Variants in EFCAB11 observed in about 807,000 individuals in gnomAD.
EFCAB11 encodes EF-hand calcium-binding domain-containing protein 11.
In EFCAB11, 14 loss-of-function variants were observed where a neutral mutation model predicts 23.0. The observed-to-expected ratio is 0.61, with a 90% CI of 0.40 to 0.95. The LOEUF (loss-of-function observed/expected upper bound fraction) is 0.95, where lower values mean the gene tolerates loss of function less well. EFCAB11 is among the 40% of genes least tolerant of loss of function. EFCAB11 has a pLI of 0.00. For synonymous variants in EFCAB11, 65 were observed against 66.6 expected (o/e 0.98, Z 0.11); for missense variants, 198 against 195.8 (o/e 1.01, Z -0.07).
chr14:89,883,066 A>T (rs1888651850), intron 5 of EFCAB11, among the ~76,000 whole-genome samples: 1 of 152,062 alleles, frequency 6.6e-6, no homozygotes, highest in Non-Finnish European at 1.5e-5. Context: ...TTCCACCAAG[A>T]GTGGAAGAAA....
At position 89,929,031 on chromosome 14, in the gene EFCAB11, A is replaced by ATATATATATATATATATATTT. The variant is rs533468035; in HGVS notation, c.410+2509_410+2510insAAATATATATATATATATATA. 9.9e-4 allele frequency among the ~76,000 whole-genome samples: 129 copies of ATATATATATATATATATATTT among 129,686 alleles called. No individual in the cohort carries two copies. The South Asian group carries it at 0.015, about 15-fold the overall frequency. The allele number at this position is 129,686 out of a possible 152,430, so 85.1% of individuals were successfully genotyped here. A position where few individuals can be genotyped will look rare whatever the true frequency, so the allele number is the denominator to read the frequency against. ...GAAAGATGGACATATAAATACATAC[A>ATATATATATATATATATATTT]TATATATATATATACACACACACAT... On this transcript the variant is annotated intron_variant, in intron 5 of 5. Transcript: ENST00000316738.
chr14:89,819,422 C>T (rs2183525), intron 5 of EFCAB11, among the ~76,000 whole-genome samples: 135,523 of 151,338 alleles, frequency 0.9, 61,022 homozygotes, highest in African/African-American at 0.96. Flanking sequence ...AACTTTCTAT[C>T]TTTTTTTTCT....
chr14:89,946,642 G>A (rs1229063006), intron 3 of EFCAB11, among the ~76,000 whole-genome samples: 1 of 151,966 alleles, frequency 6.6e-6, no homozygotes, highest in Non-Finnish European at 1.5e-5. Flanking sequence ...GTATGATAAT[G>A]GCTAAGTGCA....
intron 5 of EFCAB11, among the ~76,000 whole-genome samples, chr14:89,871,582 T>C (rs1354559892): frequency 6.6e-6 from 1 of 152,220 alleles, no homozygotes; most frequent in African/African-American, 2.4e-5. Context: ...TTTACAGTGA[T>C]GCCCCTACTT....
chr14:89,898,720 G>A (rs1889251852), intron 5 of EFCAB11, among the ~76,000 whole-genome samples: 1 of 147,812 alleles, frequency 6.8e-6, no homozygotes, highest in Admixed American at 6.8e-5. Flanking sequence ...CATCCAGGCT[G>A]GGGTGCGGTG....
intron 5 of EFCAB11, among the ~76,000 whole-genome samples, chr14:89,811,713 T>C (rs924236359): frequency 6.6e-6 from 1 of 152,204 alleles, no homozygotes; most frequent in African/African-American, 2.4e-5. Flanking sequence ...GCTTCTCCCC[T>C]TGAGCCTCCA....
At chr14:89,814,740 T>TTTACAGA (rs1483869591) in intron 5 of EFCAB11, among the ~76,000 whole-genome samples, 2 of 151,834 alleles carry the variant, frequency 1.3e-5, no homozygotes, top group Non-Finnish European at 2.9e-5. Context: ...ACTCTTTCAT[T>TTTACAGA]TTACAGATGG....
intron 5 of EFCAB11, among the ~76,000 whole-genome samples, chr14:89,800,220 C>G (rs1179744605): frequency 6.6e-6 from 1 of 151,782 alleles, no homozygotes; most frequent in East Asian, 1.9e-4. Flanking sequence ...AACAAACAAA[C>G]AAACGCACGC....
intron 5 of EFCAB11, among the ~76,000 whole-genome samples, chr14:89,832,475 C>T (rs534617949): frequency 1.2e-4 from 18 of 152,272 alleles, no homozygotes; most frequent in African/African-American, 2.9e-4. Flanking sequence ...CTCATGATTT[C>T]GCATGACGCC....
intron 5 of EFCAB11, among the ~76,000 whole-genome samples, chr14:89,801,720 C>T (rs181756484): frequency 2.6e-4 from 39 of 152,192 alleles, no homozygotes; most frequent in Admixed American, 1.6e-3. Flanking sequence ...ATAGGCCAGG[C>T]GCAGTGGTGC....
At chr14:89,878,158 C>A (rs977241070) in intron 5 of EFCAB11, among the ~76,000 whole-genome samples, 1 of 152,248 alleles carries the variant, frequency 6.6e-6, no homozygotes, top group Non-Finnish European at 1.5e-5. Context: ...GTGGGACGTA[C>A]TAAAAGATGA....
chr14:89,851,780 C>T (rs557933978), intron 5 of EFCAB11, among the ~76,000 whole-genome samples: 29 of 152,232 alleles, frequency 1.9e-4, no homozygotes, highest in Non-Finnish European at 3.5e-4. Flanking sequence ...GCTTTGGGAT[C>T]ATCATAAAGA....
intron 5 of EFCAB11, among the ~76,000 whole-genome samples, chr14:89,929,501 T>A (rs570337436): frequency 6.6e-6 from 1 of 152,294 alleles, no homozygotes; most frequent in Non-Finnish European, 1.5e-5. Flanking sequence ...ATTCTCCTGC[T>A]TCAGCTTCCC....
chr14:89,920,605 T>G (rs1227613000), intron 5 of EFCAB11, among the ~76,000 whole-genome samples: 1 of 152,240 alleles, frequency 6.6e-6, no homozygotes, highest in Non-Finnish European at 1.5e-5. Flanking sequence ...ACCCAAGATG[T>G]TCCTGTGAGG....
chr14:89,818,701 G>A (rs150204110), intron 5 of EFCAB11, among the ~76,000 whole-genome samples: 3 of 152,158 alleles, frequency 2.0e-5, no homozygotes, highest in Non-Finnish European at 4.4e-5. Context: ...CAAATACCAC[G>A]TAAAAAATAG....
intron 5 of EFCAB11, among the ~76,000 whole-genome samples, chr14:89,836,055 T>C (rs1887069440): frequency 6.6e-6 from 1 of 152,128 alleles, no homozygotes; most frequent in Admixed American, 6.5e-5. Context: ...TGCTAGGAAG[T>C]TGACGGCATT....
intron 5 of EFCAB11, chr14:89,892,245 T>C (rs1888995325): frequency 1.9e-6 from 3 of 1,612,030 alleles, no homozygotes; most frequent in East Asian, 2.2e-5. Flanking sequence ...TCCCTGGGCA[T>C]GGCCTTCGTG....
intron 3 of EFCAB11, among the ~76,000 whole-genome samples, chr14:89,947,464 C>T (rs933370974): frequency 2.0e-5 from 3 of 152,200 alleles, no homozygotes; most frequent in African/African-American, 7.2e-5. Flanking sequence ...GACTCATCTA[C>T]TCACATTGTC....
rs67216494 is a variant in EFCAB11, at chr14:89,834,403, A to AAAAAAC, written c.411-37080_411-37079insGTTTTT. Among the ~76,000 whole-genome samples the AAAAAAC allele has an allele frequency of 2.5e-3, 257 of 101,406 alleles. 37 individuals carry two copies. Among genetic ancestry groups the AAAAAAC allele is most frequent in the Middle Eastern group, 0.011 (2 of 186 alleles). 66.5% of individuals were successfully genotyped at this position (101,406 alleles called of 152,430 possible). On this transcript the variant is annotated intron_variant, in intron 5 of 5. Transcript: ENST00000316738. ...AAAAAAAAAAAAAAAAAAAAAAAAAACCTTTTTGTTTAAACTTCTAAAGAT... is the reference window on the plus strand; with the variant it reads ...AAAAAAAAAAAAAAAAAAAAAAAAAAAAAAACCCTTTTTGTTTAAACTTCTAAAGAT...
Sources: allele counts gnomAD v4.1 joint callset (sites outside exome capture counted in the v4.1 genomes callset), GRCh38; gene constraint gnomAD v4.1.1; transcripts MANE v1.5; gene names NCBI Gene and HGNC (gene_info 2026-07-23, HGNC 2026-07-21).